The following RTN2 variants were observed in gnomAD, a reference collection of about 807,000 sequenced individuals.
RTN2 encodes reticulon-2.
RTN2 carries 36 observed loss-of-function variants against 63.7 expected under a neutral mutation model. The ratio of observed to expected loss-of-function variants is 0.56; its 90% CI spans 0.43 to 0.75. RTN2 has a LOEUF of 0.75. RTN2 is among the 30% of genes least tolerant of loss of function. The pLI is 0.00. For synonymous variants in RTN2, 312 were observed against 313.0 expected (o/e 1.00, Z 0.03); for missense variants, 673 against 705.1 (o/e 0.95, Z 0.52).
At chr19:45,490,669 T>G (rs900494498) in intron 5 of RTN2, among the ~76,000 whole-genome samples, 1 of 149,748 alleles carries the variant, frequency 6.7e-6, no homozygotes, top group Non-Finnish European at 1.5e-5. Flanking sequence ...CTCCGCTTCC[T>G]GGGTTCAAGC....
chr19:45,496,829 C>A lies in RTN2; in HGVS notation c.-4G>T. 1.3e-6 allele frequency: 2 copies of A among 1,499,454 alleles called. No individual in the cohort carries two copies. Among genetic ancestry groups the A allele is most frequent in the South Asian group, 1.3e-5 (1 of 78,448 alleles). 92.9% of individuals were successfully genotyped at this position (1,499,454 alleles called of 1,614,324 possible). ...AGACCGGCAGGACCTGCCCCATGGC[C>A]CCCCTCGGGCCTGCATCGGGACCCC... On this transcript the variant is annotated 5_prime_UTR_variant, in exon 1 of 11. Transcript: ENST00000245923.
chr19:45,494,433 A>G lies in RTN2; in HGVS notation c.560-13T>C. On this transcript the variant is annotated splice_polypyrimidine_tract_variant and intron_variant, in intron 3 of 10. Coordinates refer to ENST00000245923, the MANE Select transcript of RTN2 (RefSeq NM_005619.5). This position sits in a 1 kb window ranked among gnomAD's most constrained non-coding sequence, Gnocchi z 5.3. Reference sequence around the variant, plus strand: ...CGTAGGTCCAGTTCTGATACGGTAGAGAGAGGAGGCCGTGAGCTTTCTTCT... The same window carrying G: ...CGTAGGTCCAGTTCTGATACGGTAGGGAGAGGAGGCCGTGAGCTTTCTTCT... 1 of 1,607,606 alleles carries G rather than the reference A, an allele frequency of 6.2e-7. No homozygotes were observed. Among genetic ancestry groups the G allele is most frequent in the Non-Finnish European group, 8.5e-7 (1 of 1,175,224 alleles).
intron 5 of RTN2, among the ~76,000 whole-genome samples, chr19:45,492,298 A>T (rs1968176960): frequency 6.6e-6 from 1 of 152,134 alleles, no homozygotes; most frequent in Non-Finnish European, 1.5e-5. Flanking sequence ...TCACTCCTGT[A>T]ATCACAACAC....
At chr19:45,496,754 C>A (rs1968280628) in intron 1 of RTN2, 38 bp downstream of exon 1, 1 of 1,439,346 alleles carries the variant, frequency 6.9e-7, no homozygotes. Flanking sequence ...ACCTGAACCT[C>A]TGGGGCCCAC....
chr19:45,496,535 G>A (rs1968273189), intron 1 of RTN2: 1 of 354,446 alleles, frequency 2.8e-6, no homozygotes, highest in African/African-American at 2.1e-5. Flanking sequence ...GCGGGGCCGG[G>A]CGGTACGTCC....
Position 45,488,622 on chromosome 19 carries a change from G to T in RTN2, c.1450+15C>A, listed in dbSNP as rs1968079887. On this transcript the variant is annotated intron_variant, in intron 8 of 10. Coordinates refer to ENST00000245923, the MANE Select transcript of RTN2 (RefSeq NM_005619.5). Reference sequence around the variant, plus strand: ...TCCAAGTCCCCATTTGCCCCTTACGGCCTTCCCAGCTCACCCAGAATGAGA... The same window carrying T: ...TCCAAGTCCCCATTTGCCCCTTACGTCCTTCCCAGCTCACCCAGAATGAGA... 1 of 1,613,708 alleles carries T rather than the reference G, an allele frequency of 6.2e-7. No individual in the cohort carries two copies. Among genetic ancestry groups the T allele is most frequent in the South Asian group, 1.1e-5 (1 of 91,056 alleles).
chr19:45,490,556 T>C (rs561837843), intron 5 of RTN2, among the ~76,000 whole-genome samples: 1 of 151,662 alleles, frequency 6.6e-6, no homozygotes, highest in African/African-American at 2.4e-5. Flanking sequence ...TGTGTGTGTG[T>C]GTGTGTGTGT....
chr19:45,488,991 G>C lies in RTN2; in HGVS notation c.1242-5C>G. The C allele has an allele frequency of 6.2e-7, 1 of 1,610,044 alleles. No homozygotes were observed. Among genetic ancestry groups the C allele is most frequent in the Non-Finnish European group, 8.5e-7 (1 of 1,178,446 alleles). On this transcript the variant is annotated splice_region_variant and splice_polypyrimidine_tract_variant and intron_variant, in intron 6 of 10. Coordinates refer to ENST00000245923, the MANE Select transcript of RTN2 (RefSeq NM_005619.5). The stretch of plus-strand genomic sequence containing the variant: ...AGGTCCACATCCAGGTAGGCCCTGC[G>C]GGGACAAAGGAGTGTGGGGCGACTC...
chr19:45,489,759 G>A (rs1305761574), intron 5 of RTN2, among the ~76,000 whole-genome samples: 1 of 145,796 alleles, frequency 6.9e-6, no homozygotes, highest in Non-Finnish European at 1.5e-5. Flanking sequence ...GCTCACTGCA[G>A]CCTCGATCTC....
intron 9 of RTN2, among the ~76,000 whole-genome samples, chr19:45,487,012 C>T (rs1316467248): frequency 6.2e-5 from 8 of 128,330 alleles, no homozygotes; most frequent in African/African-American, 1.5e-4. Context: ...GGATCACAAG[C>T]GTGAGCCACC....
In RTN2 at chr19:45,489,319, C is replaced by T. The variant is rs978898311; in HGVS notation, c.1241+27G>A. 2.6e-6 allele frequency: 4 copies of T among 1,546,168 alleles called. No individual in the cohort carries two copies. The African/African-American group carries it at 4.1e-5, about 16-fold the overall frequency. Reference sequence around the variant, plus strand: ...TCATGCTTTAGGGTCAGGACAGGGGCTCAGGTCAGGGGCCGGGGGTTCTCA... The same window carrying T: ...TCATGCTTTAGGGTCAGGACAGGGGTTCAGGTCAGGGGCCGGGGGTTCTCA... On this transcript the variant is annotated intron_variant, in intron 6 of 10. Transcript: ENST00000245923.
chr19:45,493,120 G>C (rs757920222), intron 5 of RTN2, 40 bp downstream of exon 5: 4 of 1,583,086 alleles, frequency 2.5e-6, no homozygotes, highest in Non-Finnish European at 3.5e-6. Context: ...ACCCCGTTCC[G>C]CCGACCTCAG....
chr19:45,486,869 G>A (rs1968034675), intron 9 of RTN2, among the ~76,000 whole-genome samples: 2 of 150,302 alleles, frequency 1.3e-5, no homozygotes, highest in Non-Finnish European at 1.5e-5. Flanking sequence ...CGAGTAGCTG[G>A]GATTACAGGT....
chr19:45,488,201 C>G (rs146530516), intron 9 of RTN2, among the ~76,000 whole-genome samples: 7 of 151,900 alleles, frequency 4.6e-5, no homozygotes, highest in Non-Finnish European at 7.4e-5. Flanking sequence ...TGCAGTGAGC[C>G]GAGATCACAC....
At chr19:45,492,397 G>A (rs1968178561) in intron 5 of RTN2, among the ~76,000 whole-genome samples, 1 of 152,052 alleles carries the variant, frequency 6.6e-6, no homozygotes, top group Non-Finnish European at 1.5e-5. Flanking sequence ...AATTAGCAGG[G>A]CGTGGTGGCC....
chr19:45,489,676 CTTT>C (rs200770145), intron 5 of RTN2, 123 bp from the exon 6 acceptor site: 6,037 of 492,302 alleles, frequency 0.012, no homozygotes, highest in Middle Eastern at 0.017. Context: ...ACCTGATTTC[CTTT>C]TTTTTTTTTT....
At chr19:45,486,636 C>T (rs919141320) in intron 9 of RTN2, among the ~76,000 whole-genome samples, 1 of 151,806 alleles carries the variant, frequency 6.6e-6, no homozygotes, top group African/African-American at 2.4e-5. Context: ...CTCAGCCTCC[C>T]GAATAGCTGG....
In RTN2 at chr19:45,494,969, G is replaced by C. The variant is rs769651277; in HGVS notation, c.116C>G (p.Thr39Arg). 1 of 1,613,702 alleles carries C rather than the reference G, an allele frequency of 6.2e-7. No homozygotes were observed. Among genetic ancestry groups the C allele is most frequent in the South Asian group, 1.1e-5 (1 of 91,082 alleles). The change falls in exon 3 of 11, where the codon ACA (threonine) becomes AGA (arginine). Residue 39 changes from threonine to arginine, a missense_variant. Coordinates refer to ENST00000245923, the MANE Select transcript of RTN2 (RefSeq NM_005619.5). This position sits in a 1 kb window ranked among gnomAD's most constrained non-coding sequence, Gnocchi z 5.3. The stretch of plus-strand genomic sequence containing the variant: ...GTCCTCCTCTGAGAATTCCCGGGCT[G>C]TGTGCAGCTCTCGAAAATCAGAGTC... Reference protein sequence around the residue: ...NDDSDFRELHTAREFSEEDEE... With the variant: ...NDDSDFRELHRAREFSEEDEE...
chr19:45,494,049 A>G lies in RTN2; in HGVS notation c.814+117T>C, dbSNP rs1346867836. 4.0e-5 allele frequency: 57 copies of G among 1,434,594 alleles called. 2 individuals are homozygous for G. In the South Asian group the frequency reaches 6.5e-4, roughly 16 times the overall value. 88.9% of individuals were successfully genotyped at this position (1,434,594 alleles called of 1,614,324 possible). On this transcript the variant is annotated intron_variant, in intron 4 of 10. Coordinates refer to ENST00000245923, the MANE Select transcript of RTN2 (RefSeq NM_005619.5). The surrounding 1 kb of genome is among the most constrained non-coding windows in gnomAD (Gnocchi z 5.3). Reference sequence around the variant, plus strand: ...TCTAGCCAGATGTGATATCACGTCTATCTCTTCCCTTTTCCACTATGTACT... The same window carrying G: ...TCTAGCCAGATGTGATATCACGTCTGTCTCTTCCCTTTTCCACTATGTACT...
Sources: gnomAD v4.1 joint callset for allele counts (sites outside exome capture counted in the v4.1 genomes callset) on GRCh38, gnomAD v4.1.1 for gene constraint, Gnocchi (gnomAD v3.1) non-coding constraint, MANE v1.5 for transcripts, NCBI Gene and HGNC (gene_info 2026-07-23, HGNC 2026-07-21) for gene names.